CACNB2: variants seen among roughly 807,000 people sequenced by gnomAD.
CACNB2 encodes calcium voltage-gated channel auxiliary subunit beta 2.
Under a neutral mutation model 73.3 loss-of-function variants are expected in CACNB2, and 42 were observed. That is an observed-to-expected ratio of 0.57 (90% CI 0.45 to 0.74). The LOEUF (loss-of-function observed/expected upper bound fraction) is 0.74, where lower values mean the gene tolerates loss of function less well. CACNB2 is among the 30% of genes least tolerant of loss of function. CACNB2 has a pLI of 0.00. For missense variants in CACNB2, 940 were observed against 853.0 expected, an observed-to-expected ratio of 1.10 and a Z score of -1.27; for synonymous variants, 348 against 310.3, an observed-to-expected ratio of 1.12 and a Z score of -1.28.
chr10:18,284,191 C>T (rs1032160070), intron 2 of CACNB2, among the ~76,000 whole-genome samples: 2 of 152,160 alleles, frequency 1.3e-5, no homozygotes, highest in Non-Finnish European at 2.9e-5. Flanking sequence ...TCACGTCTTA[C>T]GTGGATAGTT....
intron 3 of CACNB2, 45 bp from the exon 4 acceptor site, chr10:18,498,310 G>A: frequency 5.0e-6 from 8 of 1,612,106 alleles, no homozygotes; most frequent in Non-Finnish European, 6.8e-6. Flanking sequence ...GAGGGACAGT[G>A]TTGTTTTGCT....
intron 2 of CACNB2, among the ~76,000 whole-genome samples, chr10:18,165,449 A>G (rs529111524): frequency 3.9e-5 from 6 of 152,342 alleles, no homozygotes; most frequent in East Asian, 1.9e-4. Flanking sequence ...GGCACGATCT[A>G]TCGCCCAGGC....
At chr10:18,300,299 G>A (rs2039456077) in intron 2 of CACNB2, among the ~76,000 whole-genome samples, 1 of 152,172 alleles carries the variant, frequency 6.6e-6, no homozygotes. Flanking sequence ...TGGGATTATA[G>A]GCGTGAGCCA....
intron 2 of CACNB2, among the ~76,000 whole-genome samples, chr10:18,220,150 TATATACAC>T (rs1305831806): frequency 3.6e-4 from 8 of 22,500 alleles, no homozygotes; most frequent in East Asian, 1.2e-3. Flanking sequence ...TATATATATA[TATATACAC>T]ACACACACAC....
intron 2 of CACNB2, among the ~76,000 whole-genome samples, chr10:18,155,994 CTT>C (rs1204937597): frequency 2.6e-5 from 4 of 151,752 alleles, no homozygotes; most frequent in Non-Finnish European, 5.9e-5. Context: ...TTTTATTACT[CTT>C]TGTAGTCAAT....
At chr10:18,154,152 A>G (rs924809530) in intron 2 of CACNB2, among the ~76,000 whole-genome samples, 4 of 152,064 alleles carry the variant, frequency 2.6e-5, no homozygotes, top group Admixed American at 6.6e-5. Context: ...TAAACAGTAT[A>G]TGATTTGAAA....
At chr10:18,184,944 A>G in intron 2 of CACNB2, among the ~76,000 whole-genome samples, 1 of 151,934 alleles carries the variant, frequency 6.6e-6, no homozygotes, top group East Asian at 1.9e-4. Flanking sequence ...GGCTCAGGCA[A>G]TCCTGCCACT....
chr10:18,486,860 GGTTCATT>G (rs2049085648), intron 3 of CACNB2, among the ~76,000 whole-genome samples: 1 of 152,138 alleles, frequency 6.6e-6, no homozygotes, highest in Non-Finnish European at 1.5e-5. Context: ...AAATATGTGA[GGTTCATT>G]GTCTCACGGC....
intron 2 of CACNB2, among the ~76,000 whole-genome samples, chr10:18,385,046 G>A (rs1049245457): frequency 9.2e-5 from 14 of 152,082 alleles, no homozygotes; most frequent in Admixed American, 4.6e-4. Context: ...TTGGGAGGCC[G>A]AGGTGGGTGG....
In CACNB2 at chr10:18,153,984, G is replaced by C. The variant is rs370535657; in HGVS notation, c.213+3009G>C. ...AGTGACTTGCATCGACACATATTGCGTACTTGTCTGTAGCTAGGGAACATA... is the reference window on the plus strand; with the variant it reads ...AGTGACTTGCATCGACACATATTGCCTACTTGTCTGTAGCTAGGGAACATA... On this transcript the variant is annotated intron_variant, in intron 2 of 13. Coordinates refer to ENST00000324631, the MANE Select transcript of CACNB2 (RefSeq NM_201596.3). Among the ~76,000 whole-genome samples, 244 of 151,296 alleles carry C rather than the reference G, an allele frequency of 1.6e-3. 1 individual carries two copies. The highest frequency in any genetic ancestry group is 5.6e-3 in the African/African-American group (230 of 41,142).
chr10:18,511,319 A>ATCAC (rs1206223906), intron 6 of CACNB2, among the ~76,000 whole-genome samples: 4 of 152,212 alleles, frequency 2.6e-5, no homozygotes, highest in African/African-American at 4.8e-5. Context: ...TATTCACTCC[A>ATCAC]TCACAGGTTT....
At chr10:18,202,921 A>T (rs1161598428) in intron 2 of CACNB2, among the ~76,000 whole-genome samples, 1 of 152,150 alleles carries the variant, frequency 6.6e-6, no homozygotes, top group Non-Finnish European at 1.5e-5. Flanking sequence ...GTTTCCTATT[A>T]TCTCTGTTGT....
intron 2 of CACNB2, among the ~76,000 whole-genome samples, chr10:18,181,585 T>C (rs1419811744): frequency 7.5e-6 from 1 of 132,942 alleles, no homozygotes; most frequent in African/African-American, 2.8e-5. Flanking sequence ...TTATTTTATT[T>C]TATTTTATTT....
chr10:18,317,688 G>A (rs539825740), intron 2 of CACNB2, among the ~76,000 whole-genome samples: 8 of 152,132 alleles, frequency 5.3e-5, no homozygotes, highest in Admixed American at 6.5e-5. Context: ...ACAGTGCTGC[G>A]ATGAACATAT....
At chr10:18,313,756 G>A (rs1352890913) in intron 2 of CACNB2, among the ~76,000 whole-genome samples, 1 of 152,084 alleles carries the variant, frequency 6.6e-6, no homozygotes, top group Non-Finnish European at 1.5e-5. Context: ...TTGCTTTTTC[G>A]GTTTGTCGCT....
intron 2 of CACNB2, among the ~76,000 whole-genome samples, chr10:18,211,600 C>G (rs2035318860): frequency 6.6e-6 from 1 of 152,092 alleles, no homozygotes; most frequent in African/African-American, 2.4e-5. Context: ...ACACGTGTAT[C>G]TCTTTAAGCA....
At chr10:18,534,881 G>C (rs1052601802) in intron 11 of CACNB2, among the ~76,000 whole-genome samples, 2 of 152,116 alleles carry the variant, frequency 1.3e-5, no homozygotes, top group South Asian at 4.1e-4. Flanking sequence ...TGCTTATTCC[G>C]ACTTGGTGTA....
intron 2 of CACNB2, among the ~76,000 whole-genome samples, chr10:18,168,793 T>C (rs16916914): frequency 0.033 from 5,064 of 152,322 alleles, 91 homozygotes; most frequent in Non-Finnish European, 0.037. Flanking sequence ...AACTCTGTTT[T>C]GAAAAGCAAA....
At chr10:18,423,374 T>C (rs2045430177) in intron 3 of CACNB2, among the ~76,000 whole-genome samples, 1 of 152,156 alleles carries the variant, frequency 6.6e-6, no homozygotes, top group Admixed American at 6.5e-5. Flanking sequence ...TACCAAGGCA[T>C]GGGCCGGAGG....
Sources: allele counts gnomAD v4.1 joint callset (sites outside exome capture counted in the v4.1 genomes callset), GRCh38; gene constraint gnomAD v4.1.1; transcripts MANE v1.5; gene names NCBI Gene and HGNC (gene_info 2026-07-23, HGNC 2026-07-21).